Variants in CORO2B observed in about 807,000 individuals in gnomAD.
The protein encoded by CORO2B is coronin 2B.
A neutral mutation model predicts 58.8 loss-of-function variants in CORO2B; 26 were observed. The observed-to-expected ratio is 0.44, with a 90% confidence interval of 0.32 to 0.61. CORO2B has a LOEUF of 0.61. Among genes scored for constraint, CORO2B ranks in the 20% least tolerant of loss-of-function variants. The pLI is 0.04. For missense variants in CORO2B, 460 were observed against 645.1 expected, an observed-to-expected ratio of 0.71 and a Z score of 3.11; for synonymous variants, 242 against 253.8, an observed-to-expected ratio of 0.95 and a Z score of 0.44.
chr15:68,690,646 CTTTTTTTT>C (rs765999578), intron 2 of CORO2B, among the ~76,000 whole-genome samples: 2 of 102,876 alleles, frequency 1.9e-5, no homozygotes, highest in African/African-American at 7.9e-5. Flanking sequence ...CGTTAGCTTT[CTTTTTTTT>C]TTTTTTTTTT....
At chr15:68,711,061 AT>A (rs1391286165) in intron 4 of CORO2B, among the ~76,000 whole-genome samples, 180 bp downstream of exon 4, 1 of 152,092 alleles carries the variant, frequency 6.6e-6, no homozygotes, top group Non-Finnish European at 1.5e-5. Context: ...GCACCCTGTC[AT>A]TCCTGGGGTC....
intron 1 of CORO2B, chr15:68,616,679 A>G: frequency 1.1e-6 from 1 of 936,946 alleles, no homozygotes; most frequent in East Asian, 1.2e-4. Flanking sequence ...CATCTGCGAG[A>G]TCTCCCATGG....
chr15:68,533,490 T>C, the CORO2B span, among the ~76,000 whole-genome samples: 1 of 152,192 alleles, frequency 6.6e-6, no homozygotes, highest in African/African-American at 2.4e-5. Context: ...AAGAAGGACC[T>C]GGAATAGACT....
At chr15:68,531,300 G>A in the CORO2B span, among the ~76,000 whole-genome samples, 1 of 151,134 alleles carries the variant, frequency 6.6e-6, no homozygotes, top group African/African-American at 2.4e-5. Context: ...GGCCAACCTG[G>A]TGAAACCTCA....
At chr15:68,677,649 G>A (rs1396729562) in intron 2 of CORO2B, among the ~76,000 whole-genome samples, 3 of 152,194 alleles carry the variant, frequency 2.0e-5, no homozygotes, top group Non-Finnish European at 4.4e-5. Flanking sequence ...AGCTGTCTTT[G>A]TCATAGGCCT....
upstream of CORO2B, among the ~76,000 whole-genome samples, chr15:68,574,729 A>C (rs765740798): frequency 6.6e-6 from 1 of 152,240 alleles, no homozygotes; most frequent in Non-Finnish European, 1.5e-5. Context: ...TAGAGCCCAT[A>C]AAGAGACAGA....
chr15:68,579,305 G>C (rs1899357974), intron 1 of CORO2B, 28 bp downstream of exon 1: 1 of 1,283,576 alleles, frequency 7.8e-7, no homozygotes, highest in Non-Finnish European at 9.9e-7. Context: ...GCCGCGCCCG[G>C]GACCCGCCGG....
At chr15:68,637,637 G>A (rs2140266038) in intron 1 of CORO2B, among the ~76,000 whole-genome samples, 1 of 152,308 alleles carries the variant, frequency 6.6e-6, no homozygotes, top group Non-Finnish European at 1.5e-5. Flanking sequence ...TAGATGGAAA[G>A]TGCCAGTCTT....
chr15:68,626,840 G>A (rs1416330887), intron 1 of CORO2B, among the ~76,000 whole-genome samples: 1 of 152,130 alleles, frequency 6.6e-6, no homozygotes, highest in African/African-American at 2.4e-5. Context: ...TCAGAGGCTG[G>A]GGCCCCAGCC....
At position 68,667,030 on chromosome 15, in the gene CORO2B, G is replaced by A. The variant is rs76531448; in HGVS notation, c.216+21670G>A. Reference sequence around the variant, plus strand: ...CAGGTGAGGAGCAAAGAAGACCCTCGACAAACAGGCCCTAGGCTTCCCTCT... The same window carrying A: ...CAGGTGAGGAGCAAAGAAGACCCTCAACAAACAGGCCCTAGGCTTCCCTCT... On this transcript the variant is annotated intron_variant, in intron 2 of 11. Transcript: ENST00000261861. Among the ~76,000 whole-genome samples, 1,441 of 152,066 alleles carry A rather than the reference G, an allele frequency of 9.5e-3. 11 individuals carry two copies. The highest frequency in any genetic ancestry group is 0.027 in the Middle Eastern group (8 of 292).
At chr15:68,524,140 C>T in the CORO2B span, among the ~76,000 whole-genome samples, 2 of 151,688 alleles carry the variant, frequency 1.3e-5, no homozygotes, top group African/African-American at 2.4e-5. Flanking sequence ...ATGAGAGGAC[C>T]GCTTGAGCCC....
rs536185306 is a variant in CORO2B at position 68,723,047 on chromosome 15, ACAAGAGTGAAACTCCGTCT to A, written c.1312-2792_1312-2774del. On this transcript the variant is annotated intron_variant, in intron 11 of 11. Transcript: ENST00000261861. ...GCACCATTGCACTCCAGCCTGGGCA[ACAAGAGTGAAACTCCGTCT>A]CAAAAAAACAAAAACAAAAGGAGAG... 3.1e-3 allele frequency among the ~76,000 whole-genome samples: 467 copies of A among 152,200 alleles called. 12 individuals are homozygous for A. In the East Asian group the frequency reaches 0.073, roughly 24 times the overall value.
intron 1 of CORO2B, among the ~76,000 whole-genome samples, chr15:68,582,361 A>G (rs1424799643): frequency 6.6e-6 from 1 of 152,036 alleles, no homozygotes; most frequent in East Asian, 1.9e-4. Context: ...GAGGGAAGGA[A>G]GGCTCTGATG....
chr15:68,665,039 ATAGT>A (rs1384742677), intron 2 of CORO2B, among the ~76,000 whole-genome samples: 1 of 152,130 alleles, frequency 6.6e-6, no homozygotes, highest in Non-Finnish European at 1.5e-5. Context: ...ATCTTGGGCC[ATAGT>A]TAGAAAGGCT....
At chr15:68,554,998 C>T in the CORO2B span, among the ~76,000 whole-genome samples, 6 of 152,194 alleles carry the variant, frequency 3.9e-5, no homozygotes, top group Non-Finnish European at 5.9e-5. Context: ...GGTGGCTCTC[C>T]CAGGCCCACC....
intron 1 of CORO2B, among the ~76,000 whole-genome samples, chr15:68,593,522 C>T (rs889458685): frequency 6.6e-6 from 1 of 152,154 alleles, no homozygotes; most frequent in African/African-American, 2.4e-5. Flanking sequence ...TCTGGAGCCT[C>T]GTTCTCTAGA....
intron 1 of CORO2B, among the ~76,000 whole-genome samples, chr15:68,620,582 A>C (rs999856429): frequency 6.6e-6 from 1 of 152,256 alleles, no homozygotes; most frequent in Admixed American, 6.5e-5. Context: ...GTCTGCGTTT[A>C]GGGAACACCT....
the CORO2B span, among the ~76,000 whole-genome samples, chr15:68,527,586 G>A: frequency 2.0e-5 from 3 of 152,074 alleles, no homozygotes; most frequent in Admixed American, 6.6e-5. Context: ...TAATAAGTTC[G>A]AAAATCAGGT....
At chr15:68,607,354 G>A (rs1196957054) in intron 1 of CORO2B, among the ~76,000 whole-genome samples, 1 of 152,178 alleles carries the variant, frequency 6.6e-6, no homozygotes, top group African/African-American at 2.4e-5. Flanking sequence ...CCGCCTCAGA[G>A]TAGTCAGATA....
Sources: gnomAD v4.1 joint callset for allele counts (sites outside exome capture counted in the v4.1 genomes callset) on GRCh38, gnomAD v4.1.1 for gene constraint, MANE v1.5 for transcripts, NCBI Gene and HGNC (gene_info 2026-07-23, HGNC 2026-07-21) for gene names.